The following RAD54L2 variants were observed in gnomAD, a reference collection of about 807,000 sequenced individuals.
RAD54L2 encodes the protein helicase ARIP4.
RAD54L2 carries 27 observed loss-of-function variants against 138.4 expected under a neutral mutation model. That is an observed-to-expected ratio of 0.20 (90% CI 0.14 to 0.27). RAD54L2 has a LOEUF of 0.27. Ranked by LOEUF, RAD54L2 falls within the 10% of genes least tolerant of loss-of-function variation. The pLI, the probability that RAD54L2 is intolerant of heterozygous loss-of-function variation, is 1.00. For synonymous variants in RAD54L2, 644 were observed against 723.2 expected (o/e 0.89, Z 1.76); for missense variants, 1,396 against 1,890.2 (o/e 0.74, Z 4.85).
intron 2 of RAD54L2, among the ~76,000 whole-genome samples, chr3:51,551,822 G>A (rs1448316698): frequency 1.3e-5 from 2 of 149,852 alleles, no homozygotes; most frequent in Admixed American, 6.7e-5. Flanking sequence ...GTGTGATCTC[G>A]GCTCACTGCA....
At chr3:51,561,819 T>C (rs1266719147) in intron 2 of RAD54L2, among the ~76,000 whole-genome samples, 3 of 151,520 alleles carry the variant, frequency 2.0e-5, no homozygotes, top group African/African-American at 7.3e-5. Flanking sequence ...CCTCCCAAAG[T>C]GCTGGAATTA....
At chr3:51,624,834 A>G (rs899937332) in intron 3 of RAD54L2, among the ~76,000 whole-genome samples, 1 of 152,206 alleles carries the variant, frequency 6.6e-6, no homozygotes, top group Non-Finnish European at 1.5e-5. Flanking sequence ...GTAATATGAC[A>G]AGGAGGAGGC....
At chr3:51,570,413 AT>A (rs1366069230) in intron 2 of RAD54L2, among the ~76,000 whole-genome samples, 1 of 149,696 alleles carries the variant, frequency 6.7e-6, no homozygotes, top group African/African-American at 2.5e-5. Flanking sequence ...AAGTGCTGAG[AT>A]TTACAGATGT....
chr3:51,548,641 G>C (rs1480938963), intron 2 of RAD54L2, among the ~76,000 whole-genome samples: 1 of 152,126 alleles, frequency 6.6e-6, no homozygotes, highest in Non-Finnish European at 1.5e-5. Flanking sequence ...ATTGCTGCCT[G>C]TTTTCTGATT....
intron 4 of RAD54L2, among the ~76,000 whole-genome samples, chr3:51,628,024 T>G (rs901815403): frequency 4.6e-5 from 7 of 152,210 alleles, no homozygotes; most frequent in African/African-American, 1.7e-4. Flanking sequence ...AGCCCGAAGA[T>G]GATAGGGTGC....
At chr3:51,640,253 G>A (rs1484577080) in intron 14 of RAD54L2, among the ~76,000 whole-genome samples, 1 of 152,070 alleles carries the variant, frequency 6.6e-6, no homozygotes, top group African/African-American at 2.4e-5. Flanking sequence ...TGAGAGCTAA[G>A]GATAGTTTTT....
At chr3:51,576,320 T>G (rs1699480580) in intron 2 of RAD54L2, among the ~76,000 whole-genome samples, 1 of 152,212 alleles carries the variant, frequency 6.6e-6, no homozygotes. Flanking sequence ...TTTTTTGTTG[T>G]GTCTTTGCCA....
chr3:51,665,478 G>T lies in RAD54L2; in HGVS notation c.*2058G>T, dbSNP rs1217818380. Reference sequence around the variant, plus strand: ...TGTCTGCTGTCCAATAACACCAAAAGTGGAACTTAAGAAGCTTTGTGTTTT... The same window carrying T: ...TGTCTGCTGTCCAATAACACCAAAATTGGAACTTAAGAAGCTTTGTGTTTT... On this transcript the variant is annotated 3_prime_UTR_variant, in exon 23 of 23. Transcript: ENST00000684192. 1 of 152,226 alleles carries T rather than the reference G, an allele frequency of 6.6e-6. No homozygotes were observed. The highest frequency in any genetic ancestry group is 1.5e-5 in the Non-Finnish European group (1 of 68,052). 9.4% of individuals were successfully genotyped at this position (152,226 alleles called of 1,614,324 possible). A position where few individuals can be genotyped will look rare whatever the true frequency, so the allele number is the denominator to read the frequency against.
chr3:51,637,143 A>C lies in RAD54L2; in HGVS notation c.1340-18A>C. ...AGGCCCTGTCACCCTCTGACTCCGG[A>C]TCCTCTTCCCTCCCTAGAGTTTGAG... On this transcript the variant is annotated intron_variant, in intron 10 of 22. Transcript: ENST00000684192. The surrounding 1 kb of genome is among the most constrained non-coding windows in gnomAD (Gnocchi z 5.9). The C allele has an allele frequency of 6.4e-7, 1 of 1,561,494 alleles. No individual in the cohort carries two copies. Among genetic ancestry groups the C allele is most frequent in the African/African-American group, 1.4e-5 (1 of 73,592 alleles).
rs1467649264 is a variant in RAD54L2, at chr3:51,631,531, A to G, written c.825+600A>G. ...AATTTTTTTTTTTTTTTTTGTAGAGATGAGGTTTCGCCACGTTGCCCAAGC... is the reference window on the plus strand; with the variant it reads ...AATTTTTTTTTTTTTTTTTGTAGAGGTGAGGTTTCGCCACGTTGCCCAAGC... On this transcript the variant is annotated intron_variant, in intron 7 of 22. Coordinates refer to ENST00000684192, the MANE Select transcript of RAD54L2 (RefSeq NM_015106.4). Among the ~76,000 whole-genome samples the G allele has an allele frequency of 4.6e-5, 6 of 129,310 alleles. No homozygotes were observed. In the East Asian group the frequency reaches 1.4e-3, roughly 29 times the overall value. 84.8% of individuals were successfully genotyped at this position (129,310 alleles called of 152,430 possible).
chr3:51,656,221 T>C (rs1257292195), intron 20 of RAD54L2, 51 bp downstream of exon 20: 2 of 1,472,012 alleles, frequency 1.4e-6, no homozygotes, highest in African/African-American at 2.8e-5. Flanking sequence ...TTAAAATTAC[T>C]TTGTTCATTT....
chr3:51,638,437 C>T lies in RAD54L2; in HGVS notation c.1860+116C>T, dbSNP rs1268621109. On this transcript the variant is annotated intron_variant, in intron 12 of 22. Coordinates refer to ENST00000684192, the MANE Select transcript of RAD54L2 (RefSeq NM_015106.4). This position sits in a 1 kb window ranked among gnomAD's most constrained non-coding sequence, Gnocchi z 4.3. ...GGAGAATAAAGTGAGAGGGGGCCAC[C>T]TCAGTTCACTGCACTGGAGGTTTGG... 2.4e-6 allele frequency: 3 copies of T among 1,238,726 alleles called. No homozygotes were observed. The highest frequency in any genetic ancestry group is 3.4e-6 in the Non-Finnish European group (3 of 883,820). The allele number at this position is 1,238,726 out of a possible 1,614,324, so 76.7% of individuals were successfully genotyped here.
rs1701017682 is a variant in RAD54L2 at position 51,637,549 on chromosome 3, T to C, written c.1682+46T>C. ...TGCTTCCTGAATTTTCAGAGGGCCC[T>C]GTTGCCAAGGGCATGCCAAACCTGT... is the stretch of plus-strand genomic sequence containing the variant. On this transcript the variant is annotated intron_variant, in intron 11 of 22. Coordinates refer to ENST00000684192, the MANE Select transcript of RAD54L2 (RefSeq NM_015106.4). This position sits in a 1 kb window ranked among gnomAD's most constrained non-coding sequence, Gnocchi z 5.9. 1.9e-6 allele frequency: 3 copies of C among 1,551,560 alleles called. No homozygotes were observed. Among genetic ancestry groups the C allele is most frequent in the Non-Finnish European group, 2.6e-6 (3 of 1,143,432 alleles).
rs527675578 is a variant in RAD54L2, at chr3:51,539,621, T to C, written c.-117+706T>C. Among the ~76,000 whole-genome samples, 8 of 151,892 alleles carry C rather than the reference T, an allele frequency of 5.3e-5. No individual in the cohort carries two copies. In the South Asian group the frequency reaches 6.3e-4, roughly 12 times the overall value. On this transcript the variant is annotated intron_variant, in intron 1 of 22. Coordinates refer to ENST00000684192, the MANE Select transcript of RAD54L2 (RefSeq NM_015106.4). ...GTTAGGGTGAGGCCGGTGGGAGTTGTGGTTTGGGGAGTGTAGAGGAGGGTT... is the reference window on the plus strand; with the variant it reads ...GTTAGGGTGAGGCCGGTGGGAGTTGCGGTTTGGGGAGTGTAGAGGAGGGTT...
rs777837880 is a variant in RAD54L2, at chr3:51,663,322, G to C, written c.4306G>C (p.Val1436Leu). ...AGCTGGTGGCCTCCTACGGTCCCAGGTGCCTCCATTTGACTCTCATGAGGT... is the reference window on the plus strand; with the variant it reads ...AGCTGGTGGCCTCCTACGGTCCCAGCTGCCTCCATTTGACTCTCATGAGGT... ...YPAGGLLRSQ[V>L]PPFDSHEVAE... Residue 1436 changes from valine (V) to leucine (L), a missense_variant, in exon 23 of 23, where the codon GTG becomes CTG. Around this residue, in one of 7 missense-constraint regions of RAD54L2, gnomAD observed 634 missense variants for 711.2 expected, o/e 0.89. Transcript: ENST00000684192. 2 of 1,613,820 alleles carry C rather than the reference G, an allele frequency of 1.2e-6. No individual in the cohort carries two copies. Among genetic ancestry groups the C allele is most frequent in the South Asian group, 1.1e-5 (1 of 91,064 alleles).
chr3:51,635,929 T>A (rs765343738), intron 10 of RAD54L2, 140 bp downstream of exon 10: 30 of 899,892 alleles, frequency 3.3e-5, no homozygotes, highest in Non-Finnish European at 4.9e-5. Flanking sequence ...GTTCCCAAGA[T>A]CAGTAGGATG....
Position 51,641,673 on chromosome 3 carries a change from A to G in RAD54L2, c.2232-76A>G, listed in dbSNP as rs916179651. 9.3e-6 allele frequency: 9 copies of G among 963,424 alleles called. 1 individual carries two copies. The East Asian group carries it at 1.9e-4, about 20-fold the overall frequency. 59.7% of individuals were successfully genotyped at this position (963,424 alleles called of 1,614,324 possible). On this transcript the variant is annotated intron_variant, in intron 14 of 22. Coordinates refer to ENST00000684192, the MANE Select transcript of RAD54L2 (RefSeq NM_015106.4). The stretch of plus-strand genomic sequence containing the variant: ...GGAGCTCCCATTGTCAGAAAGTTGC[A>G]CAAGAGTATGGACCTATTGGGAACA...
In RAD54L2 at chr3:51,577,109, AGTC is replaced by A. The variant is rs539964430; in HGVS notation, c.-54-13257_-54-13255del. ...GCCTTCATTTCGTTATGTACCCAGT[AGTC>A]ATTCAGGAGCAGGTTGTTCCGTTTC... On this transcript the variant is annotated intron_variant, in intron 2 of 22. Transcript: ENST00000684192. 3.1e-3 allele frequency among the ~76,000 whole-genome samples: 473 copies of A among 152,342 alleles called. 4 individuals carry two copies. The highest frequency in any genetic ancestry group is 0.011 in the African/African-American group (458 of 41,580).
chr3:51,608,110 CG>C (rs1407695827), intron 3 of RAD54L2, among the ~76,000 whole-genome samples: 2 of 150,224 alleles, frequency 1.3e-5, no homozygotes, highest in Non-Finnish European at 3.0e-5. Flanking sequence ...ACTTCTCAGA[CG>C]GGGCGGCCGG....
Sources: gnomAD v4.1 joint callset for allele counts (sites outside exome capture counted in the v4.1 genomes callset) on GRCh38, gnomAD v4.1.1 for gene constraint, gnomAD v4.1.1 regional missense constraint, Gnocchi (gnomAD v3.1) non-coding constraint, MANE v1.5 for transcripts, NCBI Gene and HGNC (gene_info 2026-07-23, HGNC 2026-07-21) for gene names.